The following SHQ1 variants were observed in gnomAD, a reference collection of about 807,000 sequenced individuals.
The protein encoded by SHQ1 is SHQ1, H/ACA ribonucleoprotein assembly factor.
SHQ1 carries 49 observed loss-of-function variants against 53.8 expected under a neutral mutation model. The observed-to-expected ratio is 0.91, with a 90% CI of 0.72 to 1.16. SHQ1 has a LOEUF of 1.16. Ranked by LOEUF, SHQ1 falls within the 50% of genes most tolerant of loss-of-function variation. The pLI, the probability that SHQ1 is intolerant of heterozygous loss-of-function variation, is 0.00. For synonymous variants in SHQ1, 243 were observed against 251.0 expected (o/e 0.97, Z 0.30); for missense variants, 738 against 683.1 (o/e 1.08, Z -0.90).
At chr3:72,810,881 T>TA (rs1257149770) in intron 9 of SHQ1, among the ~76,000 whole-genome samples, 1 of 152,176 alleles carries the variant, frequency 6.6e-6, no homozygotes, top group African/African-American at 2.4e-5. Flanking sequence ...ACATGGTACA[T>TA]AGAGGGTTCA....
intron 1 of SHQ1, chr3:72,846,129 G>T: frequency 7.6e-7 from 1 of 1,316,604 alleles, no homozygotes; most frequent in East Asian, 2.5e-5. Flanking sequence ...TTCAGAAAAT[G>T]TGAGCTATTA....
chr3:72,830,935 G>C (rs183495519), intron 5 of SHQ1, among the ~76,000 whole-genome samples: 508 of 152,242 alleles, frequency 3.3e-3, no homozygotes, highest in Non-Finnish European at 5.5e-3. Flanking sequence ...AGAGGAGATA[G>C]GCAGTTCTTC....
At chr3:72,807,540 A>C (rs1192956915) in intron 9 of SHQ1, among the ~76,000 whole-genome samples, 1 of 152,226 alleles carries the variant, frequency 6.6e-6, no homozygotes, top group Non-Finnish European at 1.5e-5. Flanking sequence ...CAGTGATTTC[A>C]TCTTTTAGTT....
chr3:72,775,169 C>A (rs955526335), intron 10 of SHQ1, among the ~76,000 whole-genome samples: 1 of 151,608 alleles, frequency 6.6e-6, no homozygotes, highest in Non-Finnish European at 1.5e-5. Context: ...ATCAAATATA[C>A]CCTCTTACAA....
the SHQ1 span, among the ~76,000 whole-genome samples, chr3:72,735,242 C>T: frequency 6.6e-6 from 1 of 151,392 alleles, no homozygotes; most frequent in African/African-American, 2.4e-5. Context: ...TTTAAAACAC[C>T]TACCATTTGT....
At chr3:72,755,158 T>C (rs1254083477) in intron 10 of SHQ1, among the ~76,000 whole-genome samples, 2 of 152,200 alleles carry the variant, frequency 1.3e-5, no homozygotes, top group African/African-American at 4.8e-5. Flanking sequence ...TGTAACCAGC[T>C]GATGCGAACT....
Position 72,844,395 on chromosome 3 carries a change from T to C in SHQ1, c.172A>G (p.Asn58Asp). Residue 58 changes from asparagine (N) to aspartate (D), a missense_variant, in exon 2 of 11, where the codon AAT becomes GAT. By Grantham distance (23) the Asn-to-Asp change is conservative. Transcript: ENST00000325599. Reference protein sequence around the residue: ...RLTLPGRIVENGSEQGSYDAD... With the variant: ...RLTLPGRIVEDGSEQGSYDAD... The stretch of plus-strand genomic sequence containing the variant: ...TCATAGGACCCTTGCTCACTTCCAT[T>C]TTCTACAATTCTTCCAGGAAGGGTT... The C allele has an allele frequency of 6.2e-7, 1 of 1,613,860 alleles. No homozygotes were observed. Among genetic ancestry groups the C allele is most frequent in the Non-Finnish European group, 8.5e-7 (1 of 1,179,852 alleles).
At chr3:72,732,264 T>C in the SHQ1 span, among the ~76,000 whole-genome samples, 2 of 151,078 alleles carry the variant, frequency 1.3e-5, no homozygotes, top group South Asian at 4.2e-4. Flanking sequence ...ATGCCAGCAG[T>C]GCCGGCATTG....
At chr3:72,778,440 G>A (rs1019840156) in intron 10 of SHQ1, among the ~76,000 whole-genome samples, 5 of 150,414 alleles carry the variant, frequency 3.3e-5, no homozygotes, top group Admixed American at 1.3e-4. Context: ...CAGAAACCCT[G>A]TCTCTTTAAA....
At chr3:72,763,582 C>T (rs1172161923) in intron 10 of SHQ1, among the ~76,000 whole-genome samples, 2 of 152,176 alleles carry the variant, frequency 1.3e-5, no homozygotes, top group Non-Finnish European at 2.9e-5. Context: ...CAGATGTAAT[C>T]AAGATTAGGT....
At chr3:72,767,338 G>A (rs1174430430) in intron 10 of SHQ1, among the ~76,000 whole-genome samples, 2 of 152,170 alleles carry the variant, frequency 1.3e-5, no homozygotes, top group Non-Finnish European at 2.9e-5. Flanking sequence ...GCTGGCTCAC[G>A]CTCTGAAGCA....
intron 1 of SHQ1, 65 bp downstream of exon 1, chr3:72,848,133 A>C: frequency 6.3e-7 from 1 of 1,596,150 alleles, no homozygotes; most frequent in Non-Finnish European, 8.6e-7. Context: ...TCGACCTTGC[A>C]TTCTCCCTCT....
chr3:72,755,324 TAGAC>T lies in SHQ1; in HGVS notation c.1182-4492_1182-4489del, dbSNP rs1255705755. On this transcript the variant is annotated intron_variant, in intron 10 of 10. Transcript: ENST00000325599. ...GATAGATGGATGGATGATAGATAGA[TAGAC>T]AGATAAATTGATTTTTGATCCTTTG... Among the ~76,000 whole-genome samples, 13 of 152,162 alleles carry T rather than the reference TAGAC, an allele frequency of 8.5e-5. No homozygotes were observed. The South Asian group carries it at 1.9e-3, about 22-fold the overall frequency.
intron 10 of SHQ1, among the ~76,000 whole-genome samples, chr3:72,788,792 T>G (rs1324248804): frequency 2.0e-5 from 3 of 152,190 alleles, no homozygotes; most frequent in African/African-American, 7.2e-5. Context: ...AACCCCGTGC[T>G]CTCTGAAACA....
intron 9 of SHQ1, among the ~76,000 whole-genome samples, chr3:72,801,243 AC>A (rs1706776598): frequency 6.6e-6 from 1 of 152,162 alleles, no homozygotes. Flanking sequence ...CTAAACCTGA[AC>A]TTTTAAAAAA....
chr3:72,842,275 C>A lies in SHQ1; in HGVS notation c.331+5G>T. On this transcript the variant is annotated splice_donor_5th_base_variant and intron_variant, in intron 3 of 10. Coordinates refer to ENST00000325599, the MANE Select transcript of SHQ1 (RefSeq NM_018130.3). ...CTAATTTCCTCCCAACTGTAATAAA[C>A]ATACCTATTTCTTCCACAAGTGGTT... 2 of 1,612,682 alleles carry A rather than the reference C, an allele frequency of 1.2e-6. No homozygotes were observed. Among genetic ancestry groups the A allele is most frequent in the Non-Finnish European group, 1.7e-6 (2 of 1,179,142 alleles).
intron 10 of SHQ1, among the ~76,000 whole-genome samples, chr3:72,768,176 A>G (rs1268325120): frequency 6.6e-6 from 1 of 152,210 alleles, no homozygotes; most frequent in Admixed American, 6.5e-5. Context: ...CAAAAACAGA[A>G]GAAATCAGCA....
At chr3:72,780,476 G>C (rs1706048508) in intron 10 of SHQ1, among the ~76,000 whole-genome samples, 1 of 152,120 alleles carries the variant, frequency 6.6e-6, no homozygotes, top group Non-Finnish European at 1.5e-5. Flanking sequence ...TGAAGCATTA[G>C]GATAATCTAA....
At chr3:72,783,237 AT>A (rs774165341) in intron 10 of SHQ1, among the ~76,000 whole-genome samples, 17 of 151,992 alleles carry the variant, frequency 1.1e-4, no homozygotes, top group South Asian at 2.1e-4. Context: ...AAGGTAGAGT[AT>A]TTTCCACGCT....
Sources: allele counts gnomAD v4.1 joint callset (sites outside exome capture counted in the v4.1 genomes callset), GRCh38; gene constraint gnomAD v4.1.1; transcripts MANE v1.5; gene names NCBI Gene and HGNC (gene_info 2026-07-23, HGNC 2026-07-21).